CA10: variants seen among roughly 807,000 people sequenced by gnomAD.
CA10 encodes carbonic anhydrase 10 (inactive).
A neutral mutation model predicts 44.2 loss-of-function variants in CA10; 14 were observed. The observed-to-expected ratio is 0.32, with a 90% CI of 0.21 to 0.50. The LOEUF is 0.50. Among genes scored for constraint, CA10 ranks in the 20% least tolerant of loss-of-function variants. The probability of loss-of-function intolerance (pLI) is 0.99; values close to 1 mark genes in which losing one functional copy is unlikely to be tolerated. For synonymous variants in CA10, 159 were observed against 141.6 expected (o/e 1.12, Z -0.87); for missense variants, 350 against 409.7 (o/e 0.85, Z 1.26).
intron 3 of CA10, among the ~76,000 whole-genome samples, chr17:51,921,688 A>G (rs1268327790): frequency 6.6e-6 from 1 of 152,162 alleles, no homozygotes; most frequent in Non-Finnish European, 1.5e-5. Context: ...ATGGATGTAG[A>G]ACCTCAGGTA....
intron 3 of CA10, among the ~76,000 whole-genome samples, chr17:51,918,493 A>C (rs1458216623): frequency 6.6e-6 from 1 of 152,180 alleles, no homozygotes; most frequent in Non-Finnish European, 1.5e-5. Context: ...GCGTGTATAC[A>C]TTTTCACCCA....
At chr17:52,015,144 A>G (rs139933058) in intron 2 of CA10, among the ~76,000 whole-genome samples, 4 of 152,132 alleles carry the variant, frequency 2.6e-5, no homozygotes, top group Admixed American at 6.6e-5. Flanking sequence ...AAGAAAACAC[A>G]GAACACAAAA....
chr17:51,874,611 T>G (rs1301242501), intron 3 of CA10, among the ~76,000 whole-genome samples: 4 of 152,166 alleles, frequency 2.6e-5, no homozygotes, highest in Non-Finnish European at 5.9e-5. Flanking sequence ...TCTATTATAT[T>G]AACCTTGTTA....
chr17:51,707,263 A>G (rs1915790450), intron 4 of CA10, among the ~76,000 whole-genome samples: 1 of 152,180 alleles, frequency 6.6e-6, no homozygotes, highest in Non-Finnish European at 1.5e-5. Context: ...CTCCCCGAGC[A>G]TTCTTTTTAT....
intron 4 of CA10, among the ~76,000 whole-genome samples, chr17:51,727,902 T>A (rs1412990287): frequency 4.6e-5 from 7 of 152,118 alleles, no homozygotes; most frequent in African/African-American, 1.7e-4. Context: ...AAAAAATTTT[T>A]TTAAGGACGG....
At chr17:51,741,151 G>GCAGTGAGA (rs1029506897) in intron 4 of CA10, among the ~76,000 whole-genome samples, 4 of 152,190 alleles carry the variant, frequency 2.6e-5, no homozygotes, top group African/African-American at 9.7e-5. Flanking sequence ...CCAAGTGTTG[G>GCAGTGAGA]CAGTGAGATT....
intron 2 of CA10, among the ~76,000 whole-genome samples, chr17:52,059,690 GA>G (rs910608711): frequency 8.2e-4 from 124 of 151,574 alleles, no homozygotes; most frequent in African/African-American, 2.6e-3. Flanking sequence ...AAGTGCTAAA[GA>G]AAAAAAAAAA....
chr17:52,028,306 C>T (rs1477144838), intron 2 of CA10, among the ~76,000 whole-genome samples: 4 of 152,126 alleles, frequency 2.6e-5, no homozygotes. Flanking sequence ...AGTGTGTTCT[C>T]ATTTTTAAAC....
At chr17:52,035,765 C>T (rs1315243158) in intron 2 of CA10, among the ~76,000 whole-genome samples, 2 of 152,242 alleles carry the variant, frequency 1.3e-5, no homozygotes, top group African/African-American at 2.4e-5. Flanking sequence ...GCCTCGTTCG[C>T]TCATGCACTC....
At chr17:51,914,271 C>T (rs546263828) in intron 3 of CA10, among the ~76,000 whole-genome samples, 1 of 152,044 alleles carries the variant, frequency 6.6e-6, no homozygotes, top group East Asian at 1.9e-4. Context: ...AGAGAGAGCA[C>T]CATTGCCATT....
At chr17:52,154,919 A>G (rs1444598774) in intron 1 of CA10, among the ~76,000 whole-genome samples, 2 of 152,178 alleles carry the variant, frequency 1.3e-5, no homozygotes, top group Non-Finnish European at 2.9e-5. Flanking sequence ...TTTAAGCAAT[A>G]TATCCAAATA....
In CA10 at chr17:51,756,375, C is replaced by T. The variant is rs114063476; in HGVS notation, c.280-8557G>A. On this transcript the variant is annotated intron_variant, in intron 3 of 8. Coordinates refer to ENST00000451037, the MANE Select transcript of CA10 (RefSeq NM_020178.5). ...GAAATTGGCAGTCCCAGAATTCTAG[C>T]CCAGGCCTATTTGACTGCACATTCT... Among the ~76,000 whole-genome samples, 874 of 152,210 alleles carry T rather than the reference C, an allele frequency of 5.7e-3. 12 individuals are homozygous for T. Among genetic ancestry groups the T allele is most frequent in the African/African-American group, 0.02 (844 of 41,504 alleles).
At chr17:52,028,404 G>C (rs1347685511) in intron 2 of CA10, among the ~76,000 whole-genome samples, 1 of 152,134 alleles carries the variant, frequency 6.6e-6, no homozygotes, top group Non-Finnish European at 1.5e-5. Context: ...AACTATTCTA[G>C]TTTTCCTTAT....
At chr17:51,631,648 A>G (rs1026514097) in intron 8 of CA10, 42 bp from the exon 9 acceptor site, 22 of 1,542,582 alleles carry the variant, frequency 1.4e-5, no homozygotes, top group Non-Finnish European at 2.0e-5. Flanking sequence ...CACATACAAC[A>G]TAAAACGAGG....
chr17:51,894,963 C>T (rs1981008798), intron 3 of CA10, among the ~76,000 whole-genome samples: 1 of 151,880 alleles, frequency 6.6e-6, no homozygotes, highest in African/African-American at 2.4e-5. Flanking sequence ...TCCCTTATGG[C>T]AAAATTGTAA....
At chr17:52,097,285 G>GT (rs1301772616) in intron 1 of CA10, among the ~76,000 whole-genome samples, 2 of 152,106 alleles carry the variant, frequency 1.3e-5, no homozygotes, top group Admixed American at 1.3e-4. Context: ...GTTTGTAATG[G>GT]TATGCTACTG....
intron 1 of CA10, among the ~76,000 whole-genome samples, chr17:52,116,188 CTAT>C (rs1988892392): frequency 6.6e-6 from 1 of 152,114 alleles, no homozygotes; most frequent in East Asian, 1.9e-4. Context: ...TGCACTTAAA[CTAT>C]TATTATTTTC....
intron 1 of CA10, among the ~76,000 whole-genome samples, chr17:52,095,843 C>G (rs767889742): frequency 1.3e-5 from 2 of 152,162 alleles, no homozygotes; most frequent in Admixed American, 6.5e-5. Flanking sequence ...TTCAGTACCT[C>G]AAAACCATGT....
intron 2 of CA10, among the ~76,000 whole-genome samples, chr17:52,032,663 T>C (rs2144175921): frequency 6.6e-6 from 1 of 152,260 alleles, no homozygotes; most frequent in Admixed American, 6.5e-5. Context: ...AAAATATGAC[T>C]GGAAACCTTC....
Sources: allele counts gnomAD v4.1 joint callset (sites outside exome capture counted in the v4.1 genomes callset), GRCh38; gene constraint gnomAD v4.1.1; transcripts MANE v1.5; gene names NCBI Gene and HGNC (gene_info 2026-07-23, HGNC 2026-07-21).